Variants in CNTN4 observed in about 807,000 individuals in gnomAD.
CNTN4 encodes the protein contactin 4.
A neutral mutation model predicts 122.5 loss-of-function variants in CNTN4; 77 were observed. That is an observed-to-expected ratio of 0.63 (90% CI 0.52 to 0.76). The LOEUF (loss-of-function observed/expected upper bound fraction) is 0.76. Ranked by LOEUF, CNTN4 falls within the 30% of genes least tolerant of loss-of-function variation. The pLI, the probability that CNTN4 is intolerant of heterozygous loss-of-function variation, is 0.00. For synonymous variants in CNTN4, 512 were observed against 447.0 expected (o/e 1.15, Z -1.83); for missense variants, 1,256 against 1,259.1 (o/e 1.00, Z 0.04).
At chr3:2,565,503 T>C (rs1291645275) in intron 3 of CNTN4, among the ~76,000 whole-genome samples, 1 of 152,182 alleles carries the variant, frequency 6.6e-6, no homozygotes, top group Non-Finnish European at 1.5e-5. Flanking sequence ...GGCTAGCTAC[T>C]GTAATCACAG....
chr3:2,476,182 C>G (rs1048088422), intron 3 of CNTN4, among the ~76,000 whole-genome samples: 3 of 152,166 alleles, frequency 2.0e-5, no homozygotes, highest in Non-Finnish European at 2.9e-5. Context: ...TAATGGTATC[C>G]TTGTGGAAAT....
At chr3:2,629,892 G>A (rs1576283176) in intron 4 of CNTN4, among the ~76,000 whole-genome samples, 1 of 152,154 alleles carries the variant, frequency 6.6e-6, no homozygotes, top group Non-Finnish European at 1.5e-5. Flanking sequence ...ACCTGCCGCA[G>A]AAACTCAATT....
At chr3:2,237,131 T>C (rs2039710255) in intron 2 of CNTN4, among the ~76,000 whole-genome samples, 1 of 151,930 alleles carries the variant, frequency 6.6e-6, no homozygotes, top group Admixed American at 6.6e-5. Context: ...TTAAGAGGGT[T>C]GAGGTAAGAG....
At position 2,994,965 on chromosome 3, in the gene CNTN4, C is replaced by G. The variant is rs1213990202; in HGVS notation, c.1486+6493C>G. 1.3e-5 allele frequency among the ~76,000 whole-genome samples: 2 copies of G among 152,108 alleles called. 1 individual carries two copies. Among genetic ancestry groups the G allele is most frequent in the African/African-American group, 4.8e-5 (2 of 41,420 alleles). On this transcript the variant is annotated intron_variant, in intron 14 of 24. Transcript: ENST00000418658. The stretch of plus-strand genomic sequence containing the variant: ...ACATTTCAACCCAATTAGATATCTT[C>G]CACTGGAACCAATTATTTCTGGGTG...
chr3:2,632,063 C>T (rs988589900), intron 4 of CNTN4, among the ~76,000 whole-genome samples: 3 of 90,858 alleles, frequency 3.3e-5, no homozygotes, highest in Admixed American at 1.2e-4. Context: ...AATACACATA[C>T]GCACACACAC....
intron 13 of CNTN4, among the ~76,000 whole-genome samples, chr3:2,937,482 A>C (rs557757501): frequency 1.3e-5 from 2 of 152,336 alleles, no homozygotes; most frequent in East Asian, 3.9e-4. Flanking sequence ...GGAAATCTCC[A>C]TCCTTGGTTG....
At chr3:2,627,362 C>G (rs1477472114) in intron 4 of CNTN4, among the ~76,000 whole-genome samples, 1 of 152,150 alleles carries the variant, frequency 6.6e-6, no homozygotes, top group East Asian at 1.9e-4. Context: ...CATCTGATTT[C>G]ATGAAGCTGC....
At chr3:2,837,503 G>A (rs2093254927) in intron 7 of CNTN4, among the ~76,000 whole-genome samples, 1 of 152,126 alleles carries the variant, frequency 6.6e-6, no homozygotes. Context: ...GTGCAGTGAC[G>A]TGCATTTCAT....
At chr3:2,124,441 C>T (rs1039715046) in intron 2 of CNTN4, among the ~76,000 whole-genome samples, 3 of 146,272 alleles carry the variant, frequency 2.1e-5, no homozygotes, top group African/African-American at 7.6e-5. Flanking sequence ...AAAACACACA[C>T]ACACACACAC....
rs140203005 is a variant in CNTN4 at position 2,831,096 on chromosome 3, C to G, written c.454+11515C>G. Among the ~76,000 whole-genome samples, 27 of 152,198 alleles carry G rather than the reference C, an allele frequency of 1.8e-4. No individual in the cohort carries two copies. The East Asian group carries it at 4.4e-3, about 25-fold the overall frequency. On this transcript the variant is annotated intron_variant, in intron 7 of 24. Coordinates refer to ENST00000418658, the MANE Select transcript of CNTN4 (RefSeq NM_175607.3). ...TTTTCAGACATTAGGAACAAAATAA[C>G]TGGAAAAAGCCAAATTGAAGACCAG...
intron 4 of CNTN4, among the ~76,000 whole-genome samples, chr3:2,695,191 C>G (rs1442374891): frequency 1.3e-5 from 2 of 152,012 alleles, no homozygotes; most frequent in Non-Finnish European, 2.9e-5. Context: ...ATATTTGGGC[C>G]CTTTGATTTG....
intron 7 of CNTN4, among the ~76,000 whole-genome samples, chr3:2,835,169 T>G (rs2093198707): frequency 6.6e-6 from 1 of 151,866 alleles, no homozygotes; most frequent in South Asian, 2.1e-4. Context: ...CCTCCCAAAG[T>G]GCTGGGATTA....
At chr3:2,115,865 G>T (rs2033314408) in intron 2 of CNTN4, among the ~76,000 whole-genome samples, 2 of 152,174 alleles carry the variant, frequency 1.3e-5, no homozygotes. Flanking sequence ...AATACTTAAA[G>T]ACTCTTTTGC....
chr3:2,100,035 G>A (rs2031779810), intron 1 of CNTN4, among the ~76,000 whole-genome samples: 1 of 152,200 alleles, frequency 6.6e-6, no homozygotes, highest in Non-Finnish European at 1.5e-5. Flanking sequence ...GGAAGATCAG[G>A]CGGTTGCTTG....
intron 5 of CNTN4, among the ~76,000 whole-genome samples, chr3:2,744,133 C>A (rs1412496964): frequency 6.6e-6 from 1 of 152,132 alleles, no homozygotes; most frequent in Non-Finnish European, 1.5e-5. Context: ...TTAATTTTGA[C>A]TAGAAATACT....
chr3:3,040,028 C>T lies in CNTN4; in HGVS notation c.2164-9C>T, dbSNP rs560071592. 8.8e-6 allele frequency: 14 copies of T among 1,591,956 alleles called. No homozygotes were observed. In the South Asian group the frequency reaches 1.3e-4, roughly 15 times the overall value. On this transcript the variant is annotated splice_polypyrimidine_tract_variant and intron_variant, in intron 19 of 24. Coordinates refer to ENST00000418658, the MANE Select transcript of CNTN4 (RefSeq NM_175607.3). ...GTGATTTCTGAAGACCACCTTCCTTCTTTCCCAGACGGTCCCTGAGGAATT... is the reference window on the plus strand; with the variant it reads ...GTGATTTCTGAAGACCACCTTCCTTTTTTCCCAGACGGTCCCTGAGGAATT...
chr3:2,929,778 T>C (rs536583359), intron 13 of CNTN4, among the ~76,000 whole-genome samples: 19 of 152,342 alleles, frequency 1.2e-4, no homozygotes, highest in African/African-American at 4.3e-4. Context: ...AGTCATGTGC[T>C]TATCCTAAGA....
intron 13 of CNTN4, among the ~76,000 whole-genome samples, chr3:2,980,927 C>G (rs890918879): frequency 3.3e-5 from 5 of 152,090 alleles, no homozygotes; most frequent in Admixed American, 6.5e-5. Flanking sequence ...CTGGCCAGCA[C>G]CACCCTGTTG....
At chr3:2,787,778 G>A (rs1311403052) in intron 6 of CNTN4, among the ~76,000 whole-genome samples, 1 of 131,504 alleles carries the variant, frequency 7.6e-6, no homozygotes, top group Non-Finnish European at 1.6e-5. Context: ...CTGCCATATT[G>A]TTTTGTGGGT....
Sources: gnomAD v4.1 joint callset for allele counts (sites outside exome capture counted in the v4.1 genomes callset) on GRCh38, gnomAD v4.1.1 for gene constraint, MANE v1.5 for transcripts, NCBI Gene and HGNC (gene_info 2026-07-23, HGNC 2026-07-21) for gene names.